The following TMPRSS13 variants were observed in gnomAD, a reference collection of about 807,000 sequenced individuals.
TMPRSS13 encodes the protein transmembrane serine protease 13, also known as transmembrane protease serine 13.
Under a neutral mutation model 68.4 loss-of-function variants are expected in TMPRSS13, and 50 were observed. The ratio of observed to expected loss-of-function variants is 0.73; its 90% CI spans 0.58 to 0.93. The LOEUF (loss-of-function observed/expected upper bound fraction) is 0.93. TMPRSS13 is among the 40% of genes least tolerant of loss of function. TMPRSS13 has a pLI of 0.00. For missense variants in TMPRSS13, 615 were observed against 729.2 expected, an observed-to-expected ratio of 0.84 and a Z score of 1.80; for synonymous variants, 267 against 285.8, an observed-to-expected ratio of 0.93 and a Z score of 0.66.
chr11:117,921,296 G>T (rs943312421), intron 1 of TMPRSS13, among the ~76,000 whole-genome samples: 1 of 152,160 alleles, frequency 6.6e-6, no homozygotes, highest in African/African-American at 2.4e-5. Flanking sequence ...TATGTGATTT[G>T]ATTCTCACAA....
At position 117,917,218 on chromosome 11, in the gene TMPRSS13, C is replaced by G. The variant is rs779771730; in HGVS notation, c.508G>C (p.Gly170Arg). The G allele has an allele frequency of 6.2e-7, 1 of 1,613,022 alleles. No individual in the cohort carries two copies. Among genetic ancestry groups the G allele is most frequent in the Non-Finnish European group, 8.5e-7 (1 of 1,180,018 alleles). The change falls in exon 3 of 13, where the codon GGG (glycine) becomes CGG (arginine). Residue 170 changes from glycine (G) to arginine (R), a missense_variant. By Grantham distance (125) the Gly-to-Arg change is moderately radical. Coordinates refer to ENST00000524993, the MANE Select transcript of TMPRSS13 (RefSeq NM_001077263.3). ...AGGGCAATGAGGAGGAGCACGCACC[C>G]GATGAGCGGTAGCTGCTTCTGGCCC... The part of the protein sequence containing the change: ...REGQKQLPLI[G>R]CVLLLIALVV...
rs1334490867 is a variant in TMPRSS13 at position 117,914,432 on chromosome 11, C to T, written c.639G>A (p.Gly213=). ...SCPKHAVRCD[G]VVDCKLKSDE... is the part of the protein sequence containing the mutation. ...CACTCTTCAGCTTGCAGTCCACCAC[C>T]CCGTCACAGCGAACAGCGTGCTTGG... is the stretch of plus-strand genomic sequence containing the variant. Residue 213 remains glycine (G), a synonymous_variant, in exon 4 of 13, where the codon GGG becomes GGA. Transcript: ENST00000524993. The surrounding 1 kb of genome is among the most constrained non-coding windows in gnomAD (Gnocchi z 4.2). 33 of 1,613,986 alleles carry T rather than the reference C, an allele frequency of 2.0e-5. No individual in the cohort carries two copies. Among genetic ancestry groups the T allele is most frequent in the Non-Finnish European group, 2.7e-5 (32 of 1,180,034 alleles).
In TMPRSS13 at chr11:117,914,367, G is replaced by A. The variant is rs776465158; in HGVS notation, c.679+25C>T. On this transcript the variant is annotated intron_variant, in intron 4 of 12. Transcript: ENST00000524993. The surrounding 1 kb of genome is among the most constrained non-coding windows in gnomAD (Gnocchi z 4.2). ...AACACATGCACATGCACACGCACGC[G>A]CTCCCCCGCACCCAGCCTCCTTACC... 47 of 1,611,484 alleles carry A rather than the reference G, an allele frequency of 2.9e-5. 1 individual carries two copies. Among genetic ancestry groups the A allele is most frequent in the Admixed American group, 2.3e-4 (14 of 59,938 alleles).
Position 117,929,397 on chromosome 11 carries a change from G to C in TMPRSS13, c.-90C>G. On this transcript the variant is annotated 5_prime_UTR_variant, in exon 1 of 13. Coordinates refer to ENST00000524993, the MANE Select transcript of TMPRSS13 (RefSeq NM_001077263.3). ...TGGCTTCTCAGGCATGTAGGGTAAA[G>C]GAGTTGGAGGGCCAAGGGCCAGCCC... The C allele has an allele frequency of 7.8e-7, 1 of 1,275,654 alleles. No homozygotes were observed. Among genetic ancestry groups the C allele is most frequent in the Non-Finnish European group, 1.1e-6 (1 of 914,266 alleles). 79.0% of individuals were successfully genotyped at this position (1,275,654 alleles called of 1,614,324 possible).
At chr11:117,906,162 C>T (rs1215076062) in intron 9 of TMPRSS13, among the ~76,000 whole-genome samples, 2 of 152,206 alleles carry the variant, frequency 1.3e-5, no homozygotes, top group African/African-American at 2.4e-5. Flanking sequence ...GGCATCTCAG[C>T]GGTATGTCCA....
rs2057661164 is a variant in TMPRSS13, at chr11:117,922,754, T to G, written c.22-3916A>C. ...TGGAGCAGGGGAGTGTGGTCAACTC[T>G]GAGCCACATCCCTGGCCTAACCTTG... On this transcript the variant is annotated intron_variant, in intron 1 of 12. Transcript: ENST00000524993. This position sits in a 1 kb window ranked among gnomAD's most constrained non-coding sequence, Gnocchi z 4.2. 6.6e-6 allele frequency among the ~76,000 whole-genome samples: 1 copy of G among 152,262 alleles called. No individual in the cohort carries two copies. The highest frequency in any genetic ancestry group is 2.1e-4 in the South Asian group (1 of 4,834).
intron 1 of TMPRSS13, 113 bp from the exon 2 acceptor site, chr11:117,918,951 C>G: frequency 7.0e-7 from 1 of 1,424,422 alleles, no homozygotes; most frequent in Non-Finnish European, 9.5e-7. Context: ...AGGGGTTGAG[C>G]AAAGCCCCCC....
intron 9 of TMPRSS13, among the ~76,000 whole-genome samples, chr11:117,906,720 AT>A (rs34636093): frequency 0.12 from 18,688 of 152,076 alleles, 1,541 homozygotes; most frequent in Non-Finnish European, 0.19. Context: ...GCAGCATAGG[AT>A]TTTTTTTCTA....
rs10892194 is a variant in TMPRSS13, at chr11:117,922,524, A to G, written c.22-3686T>C. ...ATTACAGGCGTGAGCCACCGCGCCC[A>G]GCCGAGACTTCTTATCCAAGGTCCC... On this transcript the variant is annotated intron_variant, in intron 1 of 12. Coordinates refer to ENST00000524993, the MANE Select transcript of TMPRSS13 (RefSeq NM_001077263.3). This position sits in a 1 kb window ranked among gnomAD's most constrained non-coding sequence, Gnocchi z 4.2. 0.23 allele frequency among the ~76,000 whole-genome samples: 35,129 copies of G among 152,088 alleles called. 5,319 individuals carry two copies. Among genetic ancestry groups the G allele is most frequent in the African/African-American group, 0.43 (17,766 of 41,444 alleles).
chr11:117,913,951 A>G, intron 4 of TMPRSS13, 45 bp from the exon 5 acceptor site: 1 of 1,601,460 alleles, frequency 6.2e-7, no homozygotes, highest in Non-Finnish European at 8.5e-7. Context: ...GCACCTAGGA[A>G]GCATCAAGCT....
At chr11:117,923,699 G>C (rs566303258) in intron 1 of TMPRSS13, among the ~76,000 whole-genome samples, 2 of 152,050 alleles carry the variant, frequency 1.3e-5, no homozygotes, top group African/African-American at 4.8e-5. Context: ...GTGGGGAGAC[G>C]GGGGAGGGAT....
intron 12 of TMPRSS13, chr11:117,902,994 T>C (rs999674674): frequency 1.5e-5 from 15 of 1,022,476 alleles, no homozygotes; most frequent in Non-Finnish European, 1.6e-5. Context: ...ACCTGAGCAA[T>C]GACTTCTGAG....
At chr11:117,927,263 G>A (rs2057716275) in intron 1 of TMPRSS13, among the ~76,000 whole-genome samples, 1 of 152,150 alleles carries the variant, frequency 6.6e-6, no homozygotes, top group South Asian at 2.1e-4. Context: ...TCTCCTTCGG[G>A]GGACTGCTCC....
intron 6 of TMPRSS13, 122 bp downstream of exon 6, chr11:117,911,646 T>C (rs894118335): frequency 2.8e-6 from 2 of 708,376 alleles, no homozygotes; most frequent in East Asian, 2.7e-5. Flanking sequence ...TGAACACTCA[T>C]GGTGGACTCC....
chr11:117,920,548 A>C (rs2057633777), intron 1 of TMPRSS13, among the ~76,000 whole-genome samples: 2 of 152,106 alleles, frequency 1.3e-5, no homozygotes, highest in Non-Finnish European at 2.9e-5. Context: ...GCTGGAGTGC[A>C]GTGCCGCGAT....
In TMPRSS13 at chr11:117,910,709, G is replaced by T; in HGVS notation, c.944C>A (p.Ser315Tyr). The T allele has an allele frequency of 6.2e-7, 1 of 1,608,442 alleles. No individual in the cohort carries two copies. Among genetic ancestry groups the T allele is most frequent in the Non-Finnish European group, 8.5e-7 (1 of 1,176,876 alleles). The change falls in exon 7 of 13, where the codon TCC becomes TAC. Residue 315 changes from serine (S) to tyrosine (Y), a missense_variant and splice_region_variant. Transcript: ENST00000524993. ...PSQRYISLQC[S>Y]HCGLRAMTGR... ...ATCCAAGAAGAAGAACATCTTACGG[G>T]AACACTGGAGAGAGATATACCGCTG...
rs1426897461 is a variant in TMPRSS13 at position 117,915,299 on chromosome 11, C to CCGGGTT, written c.557-791_557-786dup. Among the ~76,000 whole-genome samples, 2 of 152,202 alleles carry CCGGGTT rather than the reference C, an allele frequency of 1.3e-5. No homozygotes were observed. The highest frequency in any genetic ancestry group is 4.8e-5 in the African/African-American group (2 of 41,446). ...ACCTCCCCTTGGCTGCCTCACAGAC[C>CCGGGTT]CGGGTTCTAACTTCTCACCCTGCCG... On this transcript the variant is annotated intron_variant, in intron 3 of 12. Coordinates refer to ENST00000524993, the MANE Select transcript of TMPRSS13 (RefSeq NM_001077263.3). This position sits in a 1 kb window ranked among gnomAD's most constrained non-coding sequence, Gnocchi z 4.9.
chr11:117,918,735 G>C lies in TMPRSS13; in HGVS notation c.125C>G (p.Ala42Gly). 1 of 1,609,204 alleles carries C rather than the reference G, an allele frequency of 6.2e-7. No individual in the cohort carries two copies. Among genetic ancestry groups the C allele is most frequent in the Non-Finnish European group, 8.5e-7 (1 of 1,179,180 alleles). Residue 42 changes from alanine to glycine, a missense_variant, in exon 2 of 13, where the codon GCC becomes GGC. Ala to Gly is a moderately conservative substitution (Grantham distance 60). Transcript: ENST00000524993. ...GRASPAQASP[A>G]QASPAGTPPG... ...AGGTGTCCCAGCTGGAGATGCCTGG[G>C]CTGGAGATGCCTGGGCTGGAGATGC...
rs4936410 is a variant in TMPRSS13, at chr11:117,914,545, T to C, written c.557-31A>G. The C allele has an allele frequency of 0.3, 479,803 of 1,611,666 alleles. 74,655 individuals carry two copies. Among genetic ancestry groups the C allele is most frequent in the Non-Finnish European group, 0.31 (364,073 of 1,179,622 alleles). The stretch of plus-strand genomic sequence containing the variant: ...GAAAAAGAAGCAGACAGCTGGGTCA[T>C]GGCCAGCCCCACTGAGATGAGACAC... On this transcript the variant is annotated intron_variant, in intron 3 of 12. Transcript: ENST00000524993. This position sits in a 1 kb window ranked among gnomAD's most constrained non-coding sequence, Gnocchi z 4.2.
Sources: gnomAD v4.1 joint callset for allele counts (sites outside exome capture counted in the v4.1 genomes callset) on GRCh38, gnomAD v4.1.1 for gene constraint, Gnocchi (gnomAD v3.1) non-coding constraint, MANE v1.5 for transcripts, NCBI Gene and HGNC (gene_info 2026-07-23, HGNC 2026-07-21) for gene names.